IDUA: variants seen among roughly 807,000 people sequenced by gnomAD.
IDUA encodes the protein iduronidase alpha-L-.
In IDUA, 65 loss-of-function variants were observed where a neutral mutation model predicts 68.9. That is an observed-to-expected ratio of 0.94 (90% CI 0.77 to 1.16). The LOEUF is 1.16. Ranked by LOEUF, IDUA falls within the 50% of genes most tolerant of loss-of-function variation. IDUA has a pLI of 0.00. For synonymous variants in IDUA, 529 were observed against 433.6 expected, an observed-to-expected ratio of 1.22 and a Z score of -2.73; for missense variants, 1,046 against 938.0, an observed-to-expected ratio of 1.12 and a Z score of -1.50.
chr4:1,003,074 T>C lies in IDUA; in HGVS notation c.1441T>C (p.Cys481Arg), dbSNP rs768622424. The C allele has an allele frequency of 2.0e-5, 31 of 1,521,378 alleles. No homozygotes were observed. Among genetic ancestry groups the C allele is most frequent in the Non-Finnish European group, 1.0e-5 (12 of 1,143,282 alleles). The allele number at this position is 1,521,378 out of a possible 1,614,324, so 94.2% of individuals were successfully genotyped here. ...YVTRYLDNGL[C>R]SPDGEWRRLG... The stretch of plus-strand genomic sequence containing the variant: ...CACGCGCTACCTGGACAACGGGCTC[T>C]GCAGCCCCGACGGCGAGTGGCGGCG... Residue 481 changes from cysteine to arginine, a missense_variant, in exon 10 of 14, where the codon TGC becomes CGC. Transcript: ENST00000514224.
rs1324471292 is a variant in IDUA, at chr4:1,002,937, C to T, written c.1395C>T (p.Pro465=). Residue 465 remains proline, a synonymous_variant, in exon 9 of 14, where the codon CCC becomes CCT. Transcript: ENST00000514224. ...CCCTGCGGCTGCGCGGGGTGCCCCC[C>T]GGCCCGGGTAAGCCGGGGTTCCAGG... is the stretch of plus-strand genomic sequence containing the variant. ...AVTLRLRGVP[P]GPGLVYVTRY... 19 of 1,361,000 alleles carry T rather than the reference C, an allele frequency of 1.4e-5. No individual in the cohort carries two copies. The Admixed American group carries it at 1.6e-4, about 11-fold the overall frequency. The allele number at this position is 1,361,000 out of a possible 1,614,324, so 84.3% of individuals were successfully genotyped here. A position where few individuals can be genotyped will look rare whatever the true frequency, so the allele number is the denominator to read the frequency against.
At chr4:1,003,779 T>A in intron 12 of IDUA, 154 bp downstream of exon 12, 1 of 896,756 alleles carries the variant, frequency 1.1e-6, no homozygotes, top group Non-Finnish European at 1.8e-6. Context: ...CCACACACTG[T>A]GGGCCACGCG....
chr4:999,191 T>C (rs1291586470), intron 2 of IDUA, among the ~76,000 whole-genome samples: 18 of 142,834 alleles, frequency 1.3e-4, no homozygotes, highest in Non-Finnish European at 2.0e-4. Context: ...GGCAACAGAG[T>C]GAGACTCTGT....
intron 2 of IDUA, chr4:999,991 C>T (rs1044698628): frequency 7.0e-6 from 1 of 143,858 alleles, no homozygotes; most frequent in Middle Eastern, 3.9e-3. Context: ...AGTGCAGTGG[C>T]AGGGCGGCCC....
In IDUA at chr4:990,020, G is replaced by A. The variant is rs911026285; in HGVS notation, c.299+2071G>A. ...AAGCGCTTGTGGAGCTGCCCGAAGT[G>A]CGACACGAGTGTGGCCACCACGATG... On this transcript the variant is annotated intron_variant, in intron 2 of 13. Transcript: ENST00000514224. 7.6e-6 allele frequency: 12 copies of A among 1,587,008 alleles called. No individual in the cohort carries two copies. The East Asian group carries it at 2.8e-4, about 36-fold the overall frequency.
In IDUA at chr4:988,043, C is replaced by T; in HGVS notation, c.299+94C>T. 4.7e-6 allele frequency: 7 copies of T among 1,481,024 alleles called. No individual in the cohort carries two copies. In the East Asian group the frequency reaches 7.5e-5, roughly 16 times the overall value. The allele number at this position is 1,481,024 out of a possible 1,614,324, so 91.7% of individuals were successfully genotyped here. ...GGGGCTGCTCGGAAGACCCCTTGTT[C>T]CCCCACCTCCCGCCGAAGCACCCTG... is the stretch of plus-strand genomic sequence containing the variant. On this transcript the variant is annotated intron_variant, in intron 2 of 13. Transcript: ENST00000514224.
intron 2 of IDUA, chr4:991,295 C>A (rs1183231016): frequency 1.2e-6 from 2 of 1,612,776 alleles, no homozygotes; most frequent in Non-Finnish European, 1.7e-6. Flanking sequence ...TCCCGGTCCA[C>A]CACCTGCCCC....
intron 2 of IDUA, among the ~76,000 whole-genome samples, chr4:994,265 C>T (rs926769921): frequency 5.3e-5 from 8 of 151,476 alleles, no homozygotes; most frequent in Non-Finnish European, 1.2e-4. Flanking sequence ...CATAGTGAGA[C>T]GCCCCCCACC....
At chr4:989,635 T>C in intron 2 of IDUA, 2 of 1,597,590 alleles carry the variant, frequency 1.3e-6, no homozygotes, top group Non-Finnish European at 1.7e-6. Context: ...CTGTAGGTCG[T>C]GGAACAGCGG....
At chr4:992,185 C>T in intron 2 of IDUA, 1 of 461,634 alleles carries the variant, frequency 2.2e-6, no homozygotes, top group South Asian at 1.5e-5. Context: ...CAGGTGCAGG[C>T]AAGCCTGAGT....
chr4:1,000,536 T>G, intron 2 of IDUA, 76 bp from the exon 3 acceptor site: 1 of 1,162,408 alleles, frequency 8.6e-7, no homozygotes, highest in Non-Finnish European at 1.3e-6. Flanking sequence ...ACATGCTCCG[T>G]TGTGGCCACG....
At chr4:995,517 G>A (rs1016457012) in intron 2 of IDUA, among the ~76,000 whole-genome samples, 1 of 152,238 alleles carries the variant, frequency 6.6e-6, no homozygotes, top group Non-Finnish European at 1.5e-5. Context: ...AGGCTGCGGT[G>A]GGTCCCTCGG....
chr4:990,400 C>A (rs778445363), intron 2 of IDUA: 26 of 1,527,482 alleles, frequency 1.7e-5, no homozygotes, highest in Middle Eastern at 2.1e-4. Context: ...AGGCGCCTGG[C>A]GGGAGCCACC....
chr4:988,090 T>C, intron 2 of IDUA, 141 bp downstream of exon 2: 1 of 1,451,548 alleles, frequency 6.9e-7, no homozygotes, highest in Non-Finnish European at 9.1e-7. Flanking sequence ...GTGTCCTTGC[T>C]GGCTGTGCTG....
At chr4:989,320 A>G (rs1210586057) in intron 2 of IDUA, 2 of 1,610,726 alleles carry the variant, frequency 1.2e-6, no homozygotes, top group South Asian at 2.2e-5. Context: ...CCCAAAGCGG[A>G]ACACCCGCAC....
In IDUA at chr4:1,002,559, G is replaced by A. The variant is rs917790385; in HGVS notation, c.1189+74G>A. On this transcript the variant is annotated intron_variant, in intron 8 of 13. Transcript: ENST00000514224. ...GAGCGGCTCCTGCGAAGGCCCCGCT[G>A]CGGGGAGCGCACTTCCTCCAGCCGC... 15 of 1,337,498 alleles carry A rather than the reference G, an allele frequency of 1.1e-5. No homozygotes were observed. In the Middle Eastern group the frequency reaches 8.1e-4, roughly 72 times the overall value. 82.9% of individuals were successfully genotyped at this position (1,337,498 alleles called of 1,614,324 possible). A position where few individuals can be genotyped will look rare whatever the true frequency, so the allele number is the denominator to read the frequency against.
In IDUA at chr4:989,777, C is replaced by T. The variant is rs763875856; in HGVS notation, c.299+1828C>T. 3.4e-5 allele frequency: 54 copies of T among 1,565,656 alleles called. No individual in the cohort carries two copies. In the Middle Eastern group the frequency reaches 5.1e-4, roughly 15 times the overall value. On this transcript the variant is annotated intron_variant, in intron 2 of 13. Transcript: ENST00000514224. ...CTGGTGGCGAAGCAGTGGAGGAAGG[C>T]GGGTAGCACGTTGCAGCAGCCCACA...
chr4:995,339 G>A (rs1315779210), intron 2 of IDUA, among the ~76,000 whole-genome samples: 3 of 151,722 alleles, frequency 2.0e-5, no homozygotes, highest in African/African-American at 4.8e-5. Flanking sequence ...CACCGTGCCC[G>A]GCCAGTTCTG....
chr4:987,244 T>C lies in IDUA; in HGVS notation c.158+2T>C. ...CTTCTGGAGGAGCACAGGCTTCTGGTGAGCGCTCCGCGGCCTCCGGGACCC... is the reference window on the plus strand; with the variant it reads ...CTTCTGGAGGAGCACAGGCTTCTGGCGAGCGCTCCGCGGCCTCCGGGACCC... On this transcript the variant is annotated splice_donor_variant, in intron 1 of 13. Transcript: ENST00000514224. LOFTEE classifies it high-confidence loss of function. 1 of 1,514,010 alleles carries C rather than the reference T, an allele frequency of 6.6e-7. No individual in the cohort carries two copies. The highest frequency in any genetic ancestry group is 2.3e-4 in the Middle Eastern group (1 of 4,412). The allele number at this position is 1,514,010 out of a possible 1,614,324, so 93.8% of individuals were successfully genotyped here.
Sources: gnomAD v4.1 joint callset for allele counts (sites outside exome capture counted in the v4.1 genomes callset) on GRCh38, gnomAD v4.1.1 for gene constraint, MANE v1.5 for transcripts, NCBI Gene and HGNC (gene_info 2026-07-23, HGNC 2026-07-21) for gene names.